CACNA2D3: variants seen among roughly 807,000 people sequenced by gnomAD.
CACNA2D3 encodes calcium voltage-gated channel auxiliary subunit alpha2delta 3.
CACNA2D3 carries 60 observed loss-of-function variants against 160.6 expected under a neutral mutation model. The ratio of observed to expected loss-of-function variants is 0.37; its 90% CI spans 0.30 to 0.46. CACNA2D3 has a LOEUF of 0.46. CACNA2D3 is among the 20% of genes least tolerant of loss of function. The pLI, the probability that CACNA2D3 is intolerant of heterozygous loss-of-function variation, is 1.00. For synonymous variants in CACNA2D3, 558 were observed against 492.9 expected (o/e 1.13, Z -1.75); for missense variants, 1,205 against 1,365.0 (o/e 0.88, Z 1.85).
At chr3:54,349,635 T>G (rs577138396) in intron 3 of CACNA2D3, among the ~76,000 whole-genome samples, 81 of 152,324 alleles carry the variant, frequency 5.3e-4, no homozygotes, top group Middle Eastern at 3.4e-3. Flanking sequence ...AGCTTCTTTT[T>G]TCTTTTTAAT....
intron 13 of CACNA2D3, among the ~76,000 whole-genome samples, chr3:54,813,498 A>G (rs970496191): frequency 3.3e-5 from 5 of 152,112 alleles, no homozygotes; most frequent in African/African-American, 1.2e-4. Context: ...CCTCTAGCAG[A>G]TATATTTTTC....
chr3:54,898,722 G>A lies in CACNA2D3; in HGVS notation c.2369-1066G>A, dbSNP rs192153038. Reference sequence around the variant, plus strand: ...TGGAATCATCGAGTTAACTAAAGCTGTTGTTGGATTGGTTTTTGGTAACTG... The same window carrying A: ...TGGAATCATCGAGTTAACTAAAGCTATTGTTGGATTGGTTTTTGGTAACTG... On this transcript the variant is annotated intron_variant, in intron 26 of 37. Coordinates refer to ENST00000474759, the MANE Select transcript of CACNA2D3 (RefSeq NM_018398.3). 1.5e-3 allele frequency among the ~76,000 whole-genome samples: 233 copies of A among 152,306 alleles called. 1 individual carries two copies. Among genetic ancestry groups the A allele is most frequent in the African/African-American group, 5.4e-3 (223 of 41,574 alleles).
intron 8 of CACNA2D3, among the ~76,000 whole-genome samples, chr3:54,579,330 C>A (rs1702636914): frequency 6.6e-6 from 1 of 152,124 alleles, no homozygotes; most frequent in Non-Finnish European, 1.5e-5. Flanking sequence ...CACACTGGCT[C>A]CGTCTTCCTG....
At chr3:54,545,924 A>C (rs1171414334) in intron 5 of CACNA2D3, among the ~76,000 whole-genome samples, 1 of 152,192 alleles carries the variant, frequency 6.6e-6, no homozygotes, top group East Asian at 1.9e-4. Context: ...TTCAGATCCA[A>C]GGCTTAATAG....
intron 31 of CACNA2D3, among the ~76,000 whole-genome samples, chr3:55,002,893 A>G (rs7612240): frequency 0.017 from 2,654 of 152,280 alleles, 86 homozygotes; most frequent in African/African-American, 0.061. Flanking sequence ...GTTACTGTCC[A>G]GATAAGGAGC....
chr3:54,665,121 T>C (rs577528035), intron 11 of CACNA2D3, among the ~76,000 whole-genome samples: 6 of 152,306 alleles, frequency 3.9e-5, no homozygotes, highest in African/African-American at 1.2e-4. Flanking sequence ...GGGGAAGATA[T>C]ATACTCCACC....
At position 54,514,329 on chromosome 3, in the gene CACNA2D3, G is replaced by C. The variant is rs370205748; in HGVS notation, c.544+10675G>C. 7.2e-5 allele frequency among the ~76,000 whole-genome samples: 11 copies of C among 152,276 alleles called. No homozygotes were observed. In the South Asian group the frequency reaches 1.2e-3, roughly 17 times the overall value. On this transcript the variant is annotated intron_variant, in intron 5 of 37. Transcript: ENST00000474759. ...GTGATGATGATCAGAATGCAAAAAG[G>C]CTCTTCTCCTTGCCAGAAAGTTCAC...
chr3:54,697,712 G>A (rs1017517115), intron 11 of CACNA2D3, among the ~76,000 whole-genome samples: 2 of 152,132 alleles, frequency 1.3e-5, no homozygotes, highest in African/African-American at 4.8e-5. Flanking sequence ...AGTGCTATAG[G>A]CAAGATACTT....
chr3:54,330,566 T>A (rs965675905), intron 3 of CACNA2D3, among the ~76,000 whole-genome samples: 8 of 152,186 alleles, frequency 5.3e-5, no homozygotes, highest in Non-Finnish European at 1.0e-4. Context: ...ATGCAGGAGT[T>A]GCCTTAGTAA....
chr3:54,681,090 T>A (rs528142461), intron 11 of CACNA2D3, among the ~76,000 whole-genome samples: 19 of 152,040 alleles, frequency 1.2e-4, no homozygotes, highest in Admixed American at 1.1e-3. Flanking sequence ...TTCCCATTTT[T>A]AAAATTTTCC....
At chr3:54,722,207 A>G (rs7432523) in intron 11 of CACNA2D3, among the ~76,000 whole-genome samples, 59,645 of 152,034 alleles carry the variant, frequency 0.39, 12,288 homozygotes, top group Non-Finnish European at 0.46. Flanking sequence ...GAATTCAGCT[A>G]TTGAAACTTG....
intron 4 of CACNA2D3, among the ~76,000 whole-genome samples, chr3:54,444,145 C>A (rs1700185604): frequency 6.6e-6 from 1 of 152,170 alleles, no homozygotes; most frequent in Non-Finnish European, 1.5e-5. Flanking sequence ...AGTGAATTTC[C>A]TTGGTTGAAA....
chr3:54,999,205 T>C (rs1167166489), intron 31 of CACNA2D3, among the ~76,000 whole-genome samples: 1 of 152,182 alleles, frequency 6.6e-6, no homozygotes, highest in African/African-American at 2.4e-5. Context: ...TGATGACTGA[T>C]ACGAGCAGGA....
At chr3:54,639,042 G>T (rs1421609040) in intron 10 of CACNA2D3, 5 of 152,144 alleles carry the variant, frequency 3.3e-5, no homozygotes, top group African/African-American at 9.7e-5. Flanking sequence ...GCAGAGAAAG[G>T]GTTGGGGCGC....
At chr3:54,893,032 T>C (rs185171764) in intron 25 of CACNA2D3, among the ~76,000 whole-genome samples, 204 of 152,276 alleles carry the variant, frequency 1.3e-3, no homozygotes, top group Admixed American at 3.6e-3. Context: ...TCCCAGAACT[T>C]TGGGAGGCCA....
At chr3:54,602,150 T>A (rs562911087) in intron 9 of CACNA2D3, among the ~76,000 whole-genome samples, 1 of 152,202 alleles carries the variant, frequency 6.6e-6, no homozygotes, top group East Asian at 1.9e-4. Context: ...CAAGATCCAG[T>A]ACAAAATAAA....
intron 4 of CACNA2D3, among the ~76,000 whole-genome samples, chr3:54,446,968 C>T (rs543305774): frequency 5.3e-5 from 8 of 152,274 alleles, no homozygotes; most frequent in Non-Finnish European, 1.0e-4. Flanking sequence ...ATCCCGGAGG[C>T]GGGTATCCTA....
chr3:54,284,758 C>T (rs1052945536), intron 2 of CACNA2D3, among the ~76,000 whole-genome samples: 5 of 152,030 alleles, frequency 3.3e-5, no homozygotes, highest in Non-Finnish European at 5.9e-5. Flanking sequence ...GGATCAGAGA[C>T]GGATATTCAT....
intron 11 of CACNA2D3, among the ~76,000 whole-genome samples, chr3:54,703,497 A>G (rs1246859941): frequency 1.3e-5 from 2 of 152,118 alleles, no homozygotes; most frequent in African/African-American, 4.8e-5. Context: ...TGTTATTCAC[A>G]TGTTTAGTTT....
Sources: gnomAD v4.1 joint callset for allele counts (sites outside exome capture counted in the v4.1 genomes callset) on GRCh38, gnomAD v4.1.1 for gene constraint, MANE v1.5 for transcripts, NCBI Gene and HGNC (gene_info 2026-07-23, HGNC 2026-07-21) for gene names.